The following PPARGC1A variants were observed in gnomAD, a reference collection of about 807,000 sequenced individuals.
PPARGC1A encodes peroxisome proliferator-activated receptor gamma coactivator 1-alpha.
PPARGC1A carries 25 observed loss-of-function variants against 88.7 expected under a neutral mutation model. The observed-to-expected ratio is 0.28, with a 90% confidence interval of 0.21 to 0.39. The LOEUF is 0.39. Among genes scored for constraint, PPARGC1A ranks in the 10% least tolerant of loss-of-function variants. PPARGC1A has a pLI of 1.00. For missense variants in PPARGC1A, 880 were observed against 968.7 expected, an observed-to-expected ratio of 0.91 and a Z score of 1.22; for synonymous variants, 363 against 355.6, an observed-to-expected ratio of 1.02 and a Z score of -0.24.
rs754145584 is a variant in PPARGC1A at position 23,824,551 on chromosome 4, CT to C, written c.758-44del. On this transcript the variant is annotated intron_variant, in intron 5 of 12. Transcript: ENST00000264867. ...AAACTAATTATGTAATATTGAGTGT[CT>C]TTTAGATTTCTTTTCTCTCCACAAC... 6 of 1,491,806 alleles carry C rather than the reference CT, an allele frequency of 4.0e-6. No homozygotes were observed. The South Asian group carries it at 7.3e-5, about 18-fold the overall frequency. The allele number at this position is 1,491,806 out of a possible 1,614,324, so 92.4% of individuals were successfully genotyped here.
intron 1 of PPARGC1A, among the ~76,000 whole-genome samples, chr4:23,895,980 GTATATATA>G (rs5856800): frequency 4.2e-3 from 84 of 19,916 alleles, no homozygotes; most frequent in African/African-American, 0.012. Context: ...GTGTGTGTGT[GTATATATA>G]TATACACACA....
chr4:23,809,520 G>A (rs1041454410), intron 10 of PPARGC1A, among the ~76,000 whole-genome samples: 9 of 151,812 alleles, frequency 5.9e-5, no homozygotes, highest in Admixed American at 2.6e-4. Context: ...AGCTATAGCC[G>A]CTGTCTAAAA....
chr4:24,075,290 G>A, the PPARGC1A span, among the ~76,000 whole-genome samples: 1 of 152,172 alleles, frequency 6.6e-6, no homozygotes, highest in African/African-American at 2.4e-5. Flanking sequence ...CACAGAGATG[G>A]TGGTGGTGTC....
At chr4:24,264,199 G>T in the PPARGC1A span, among the ~76,000 whole-genome samples, 1 of 152,190 alleles carries the variant, frequency 6.6e-6, no homozygotes, top group Admixed American at 6.5e-5. Context: ...AGTTTTGGGA[G>T]AATCAAAAGT....
In PPARGC1A at chr4:23,889,897, A is replaced by T. The variant is rs1340090169; in HGVS notation, c.54+7T>A. On this transcript the variant is annotated splice_region_variant and intron_variant, in intron 1 of 12. Coordinates refer to ENST00000264867, the MANE Select transcript of PPARGC1A (RefSeq NM_013261.5). ...TGGCTGCAGCGCCGAGCCCTGCCCC[A>T]GCTCACCTCGATGTCACTCCATACA... 4.3e-6 allele frequency: 7 copies of T among 1,613,120 alleles called. No homozygotes were observed. In the Admixed American group the frequency reaches 1.2e-4, roughly 27 times the overall value.
the PPARGC1A span, among the ~76,000 whole-genome samples, chr4:24,310,837 T>C: frequency 1.3e-5 from 2 of 152,240 alleles, no homozygotes; most frequent in South Asian, 4.1e-4. Context: ...TGTGACCTAG[T>C]ATTAAGAGAA....
the PPARGC1A span, among the ~76,000 whole-genome samples, chr4:24,218,829 C>T: frequency 6.6e-6 from 1 of 152,140 alleles, no homozygotes; most frequent in Non-Finnish European, 1.5e-5. Flanking sequence ...GAGAAGATAA[C>T]CACATTTAGT....
the PPARGC1A span, among the ~76,000 whole-genome samples, chr4:24,437,393 G>A: frequency 1.3e-5 from 2 of 152,164 alleles, no homozygotes; most frequent in African/African-American, 2.4e-5. Context: ...GCAGACATGA[G>A]CCAGCTCAGT....
At chr4:24,068,871 C>T in the PPARGC1A span, among the ~76,000 whole-genome samples, 1 of 152,174 alleles carries the variant, frequency 6.6e-6, no homozygotes, top group Non-Finnish European at 1.5e-5. Context: ...ACCATCATGG[C>T]ACCTCCTTCT....
the PPARGC1A span, among the ~76,000 whole-genome samples, chr4:24,314,633 A>T: frequency 2.0e-5 from 3 of 152,234 alleles, no homozygotes; most frequent in Non-Finnish European, 4.4e-5. Context: ...TGCGGTAAGT[A>T]TGACAAAATG....
chr4:23,967,780 C>T, the PPARGC1A span, among the ~76,000 whole-genome samples: 2 of 152,152 alleles, frequency 1.3e-5, no homozygotes, highest in Admixed American at 6.5e-5. Context: ...GACTCTGTCT[C>T]TGCTCTCCTG....
At chr4:24,044,763 C>A in the PPARGC1A span, among the ~76,000 whole-genome samples, 1 of 152,184 alleles carries the variant, frequency 6.6e-6, no homozygotes, top group East Asian at 1.9e-4. Flanking sequence ...AGGCTGGTCA[C>A]TGGGAAGCAC....
the PPARGC1A span, among the ~76,000 whole-genome samples, chr4:24,027,934 C>A: frequency 6.6e-6 from 1 of 152,078 alleles, no homozygotes; most frequent in Non-Finnish European, 1.5e-5. Flanking sequence ...ATACTAAGTG[C>A]ATTTTATATA....
chr4:24,466,870 C>A, the PPARGC1A span, among the ~76,000 whole-genome samples: 1 of 98,024 alleles, frequency 1.0e-5, no homozygotes, highest in Non-Finnish European at 1.9e-5. Context: ...GCTAAGATTG[C>A]ACCACTGCAC....
At chr4:24,325,941 A>G in the PPARGC1A span, among the ~76,000 whole-genome samples, 1 of 152,072 alleles carries the variant, frequency 6.6e-6, no homozygotes, top group African/African-American at 2.4e-5. Flanking sequence ...TTTTTCAGTT[A>G]TCTCCACCTG....
At chr4:24,013,391 G>A in the PPARGC1A span, among the ~76,000 whole-genome samples, 1 of 151,818 alleles carries the variant, frequency 6.6e-6, no homozygotes, top group Non-Finnish European at 1.5e-5. Flanking sequence ...CTTCCCAAGT[G>A]CCCTCCCTAT....
At chr4:24,132,953 C>CT in the PPARGC1A span, among the ~76,000 whole-genome samples, 1 of 152,072 alleles carries the variant, frequency 6.6e-6, no homozygotes. Flanking sequence ...TAAACAGATG[C>CT]TATGGGATTT....
the PPARGC1A span, among the ~76,000 whole-genome samples, chr4:24,189,738 G>T: frequency 6.6e-6 from 1 of 152,048 alleles, no homozygotes; most frequent in Admixed American, 6.5e-5. Context: ...CTAAGCACCC[G>T]GCACCCTCAC....
the PPARGC1A span, among the ~76,000 whole-genome samples, chr4:24,413,905 A>T: frequency 6.6e-6 from 1 of 152,202 alleles, no homozygotes; most frequent in African/African-American, 2.4e-5. Flanking sequence ...AAATGTCTTT[A>T]ATCCTTACAA....
Sources: allele counts gnomAD v4.1 joint callset (sites outside exome capture counted in the v4.1 genomes callset), GRCh38; gene constraint gnomAD v4.1.1; transcripts MANE v1.5; gene names NCBI Gene and HGNC (gene_info 2026-07-23, HGNC 2026-07-21).